The following SLX9 variants were observed in gnomAD, a reference collection of about 807,000 sequenced individuals.
SLX9 encodes the protein SLX9 ribosome biogenesis factor, also known as ribosome biogenesis protein SLX9 homolog.
In SLX9, 19 loss-of-function variants were observed where a neutral mutation model predicts 20.8. The observed-to-expected ratio is 0.91, with a 90% CI of 0.64 to 1.34. The LOEUF is 1.34. Ranked by LOEUF, SLX9 falls within the 40% of genes most tolerant of loss-of-function variation. The pLI is 0.00. For synonymous variants in SLX9, 113 were observed against 137.1 expected (o/e 0.82, Z 1.23); for missense variants, 299 against 322.2 (o/e 0.93, Z 0.55).
At chr21:44,969,244 A>G (rs1425888315) in intron 4 of SLX9, 1 of 469,012 alleles carries the variant, frequency 2.1e-6, no homozygotes. Context: ...GAGGCACCAG[A>G]GCACTGGGTC....
In SLX9 at chr21:44,973,255, C is replaced by T. The variant is rs1438041227; in HGVS notation, c.559C>T (p.Gln187Ter). 2.5e-6 allele frequency: 4 copies of T among 1,612,428 alleles called. No individual in the cohort carries two copies. Among genetic ancestry groups the T allele is most frequent in the Non-Finnish European group, 2.5e-6 (3 of 1,179,722 alleles). The part of the protein sequence containing the change: ...ELSRMSAAQR[Q>*]QLLEEERTRF... Reference sequence around the variant, plus strand: ...CAGCCGGATGAGCGCAGCCCAGAGACAGCAGCTTCTGTGAGTGCACCTGCC... The same window carrying T: ...CAGCCGGATGAGCGCAGCCCAGAGATAGCAGCTTCTGTGAGTGCACCTGCC... Residue 187 changes from glutamine to a stop codon, truncating the protein, a stop_gained, in exon 5 of 6, where the codon CAG becomes TAG. Coordinates refer to ENST00000291634, the MANE Select transcript of SLX9 (RefSeq NM_058190.4). LOFTEE classifies it high-confidence loss of function.
At chr21:44,956,340 T>A (rs1222120634) in intron 2 of SLX9, among the ~76,000 whole-genome samples, 2 of 152,214 alleles carry the variant, frequency 1.3e-5, no homozygotes, top group Non-Finnish European at 2.9e-5. Context: ...TTTTAATGTA[T>A]TTAATCCATC....
At chr21:44,940,482 A>G (rs1165383919) in intron 1 of SLX9, among the ~76,000 whole-genome samples, 2 of 152,146 alleles carry the variant, frequency 1.3e-5, no homozygotes, top group African/African-American at 4.8e-5. Context: ...CCTGAATCGC[A>G]CTGAGCTCCC....
intron 3 of SLX9, among the ~76,000 whole-genome samples, chr21:44,964,766 T>C (rs533620476): frequency 9.9e-5 from 15 of 152,242 alleles, no homozygotes; most frequent in Non-Finnish European, 2.2e-4. Context: ...TTTAAAAATT[T>C]GCCAGTCTAT....
chr21:44,952,824 G>A (rs1221069217), intron 2 of SLX9, among the ~76,000 whole-genome samples: 1 of 152,226 alleles, frequency 6.6e-6, no homozygotes, highest in African/African-American at 2.4e-5. Context: ...AGCTATTTAA[G>A]GTTCTTGACA....
Position 44,942,181 on chromosome 21 carries a change from G to A in SLX9, c.130-1503G>A, listed in dbSNP as rs75313964. Among the ~76,000 whole-genome samples the A allele has an allele frequency of 7.4e-3, 1,132 of 152,268 alleles. 21 individuals carry two copies. The highest frequency in any genetic ancestry group is 0.025 in the African/African-American group (1,055 of 41,544). On this transcript the variant is annotated intron_variant, in intron 1 of 5. Transcript: ENST00000291634. ...ACAGTGGGAAAAGCAGTCGTCTGCCGTATACCAACATACATTCATGATCTG... is the reference window on the plus strand; with the variant it reads ...ACAGTGGGAAAAGCAGTCGTCTGCCATATACCAACATACATTCATGATCTG...
chr21:44,940,353 T>C (rs1038843377), intron 1 of SLX9, among the ~76,000 whole-genome samples, 167 bp downstream of exon 1: 8 of 152,270 alleles, frequency 5.3e-5, no homozygotes, highest in African/African-American at 1.7e-4. Flanking sequence ...CGTCGTAAAC[T>C]CCGAGGCTCC....
intron 1 of SLX9, among the ~76,000 whole-genome samples, chr21:44,943,282 A>G (rs1294558816): frequency 1.3e-5 from 2 of 152,244 alleles, no homozygotes; most frequent in Non-Finnish European, 2.9e-5. Context: ...CTGAGCTGAA[A>G]GAGCTGTCAG....
intron 4 of SLX9, among the ~76,000 whole-genome samples, chr21:44,971,485 A>G (rs9977566): frequency 1 from 152,170 of 152,184 alleles, 76,078 homozygotes; most frequent in Middle Eastern, 1. Flanking sequence ...GCCTGGCCTC[A>G]TGGGCACTGC....
chr21:44,955,347 A>G (rs2084837049), intron 2 of SLX9, among the ~76,000 whole-genome samples: 1 of 151,960 alleles, frequency 6.6e-6, no homozygotes, highest in African/African-American at 2.4e-5. Context: ...ACCCCCTCAC[A>G]TGCTCGCCCA....
At chr21:44,945,750 C>T (rs1264501310) in intron 2 of SLX9, among the ~76,000 whole-genome samples, 3 of 152,166 alleles carry the variant, frequency 2.0e-5, no homozygotes, top group Non-Finnish European at 2.9e-5. Context: ...CTTGCTCTGT[C>T]GCCAGGGTGG....
At chr21:44,976,044 C>T (rs932166093) in intron 5 of SLX9, among the ~76,000 whole-genome samples, 4 of 152,256 alleles carry the variant, frequency 2.6e-5, no homozygotes, top group African/African-American at 9.6e-5. Flanking sequence ...CGGCAGAGCC[C>T]GTCTGGGAGC....
chr21:44,964,980 T>C (rs2085008335), intron 3 of SLX9, among the ~76,000 whole-genome samples: 2 of 152,238 alleles, frequency 1.3e-5, no homozygotes. Flanking sequence ...TGGTCTGCCC[T>C]GCGTCCACTG....
intron 2 of SLX9, among the ~76,000 whole-genome samples, chr21:44,957,728 G>A (rs927647821): frequency 5.3e-5 from 8 of 152,238 alleles, no homozygotes; most frequent in African/African-American, 1.9e-4. Context: ...TCTGTCTTGG[G>A]GGGGTCCTGT....
At chr21:44,954,967 A>G (rs1027206302) in intron 2 of SLX9, among the ~76,000 whole-genome samples, 1 of 152,184 alleles carries the variant, frequency 6.6e-6, no homozygotes, top group African/African-American at 2.4e-5. Flanking sequence ...CAGTCCCAGC[A>G]CTTTGGGAGG....
chr21:44,967,137 C>A lies in SLX9; in HGVS notation c.456C>A (p.Pro152=), dbSNP rs367751057. The part of the protein sequence containing the change: ...GDLHPLRDAL[P]ELLGLEAGSR... ...TGCACCCTCTCAGGGATGCCCTGCC[C>A]GAGCTGCTGGGGCTCGAGGCTGGCA... Residue 152 remains proline (P), a synonymous_variant, in exon 4 of 6, where the codon CCC becomes CCA. Transcript: ENST00000291634. 10 of 1,604,712 alleles carry A rather than the reference C, an allele frequency of 6.2e-6. No homozygotes were observed. The highest frequency in any genetic ancestry group is 8.5e-7 in the Non-Finnish European group (1 of 1,175,920).
At chr21:44,962,785 G>A (rs1391796273) in intron 3 of SLX9, among the ~76,000 whole-genome samples, 1 of 152,158 alleles carries the variant, frequency 6.6e-6, no homozygotes, top group Non-Finnish European at 1.5e-5. Context: ...TCCCACCAGA[G>A]CCTGTGAGAG....
intron 2 of SLX9, among the ~76,000 whole-genome samples, chr21:44,955,810 C>T (rs1010265299): frequency 2.0e-5 from 3 of 152,226 alleles, no homozygotes; most frequent in African/African-American, 7.2e-5. Context: ...GGAGTGTGGG[C>T]CATCCTTGAA....
At chr21:44,975,460 A>C (rs187634837) in intron 5 of SLX9, among the ~76,000 whole-genome samples, 1 of 152,064 alleles carries the variant, frequency 6.6e-6, no homozygotes, top group Non-Finnish European at 1.5e-5. Context: ...TAGTGTCTAA[A>C]CTCAGGCGCA....
Sources: allele counts gnomAD v4.1 joint callset (sites outside exome capture counted in the v4.1 genomes callset), GRCh38; gene constraint gnomAD v4.1.1; transcripts MANE v1.5; gene names NCBI Gene and HGNC (gene_info 2026-07-23, HGNC 2026-07-21).